The following CSMD1 variants were observed in gnomAD, a reference collection of about 807,000 sequenced individuals.
CSMD1 encodes the protein CUB and Sushi multiple domains 1.
Under a neutral mutation model 417.5 loss-of-function variants are expected in CSMD1, and 213 were observed. The ratio of observed to expected loss-of-function variants is 0.51; its 90% confidence interval spans 0.46 to 0.57. CSMD1 has a LOEUF of 0.57. CSMD1 is among the 20% of genes least tolerant of loss of function. The probability of loss-of-function intolerance (pLI) is 0.00; values close to 1 mark genes in which losing one functional copy is unlikely to be tolerated. For synonymous variants in CSMD1, 2,862 were observed against 1,736.8 expected (o/e 1.65, Z -16.11); for missense variants, 6,923 against 4,529.7 (o/e 1.53, Z -15.17).
chr8:4,731,051 G>T (rs1483987283), intron 1 of CSMD1, among the ~76,000 whole-genome samples: 3 of 152,154 alleles, frequency 2.0e-5, no homozygotes, highest in East Asian at 3.9e-4. Flanking sequence ...AGTATGGAGG[G>T]TCTGTGGGTC....
intron 3 of CSMD1, among the ~76,000 whole-genome samples, chr8:4,121,069 C>G (rs768479630): frequency 1.8e-4 from 28 of 151,762 alleles, no homozygotes; most frequent in Non-Finnish European, 1.0e-4. Flanking sequence ...CTGACTGGGT[C>G]TGTTTGTCAA....
intron 2 of CSMD1, among the ~76,000 whole-genome samples, chr8:4,620,891 T>G (rs540488712): frequency 6.6e-6 from 1 of 151,248 alleles, no homozygotes; most frequent in African/African-American, 2.4e-5. Flanking sequence ...AGAGAAAAAT[T>G]GAGTAAAGTA....
intron 4 of CSMD1, among the ~76,000 whole-genome samples, chr8:4,012,248 C>G (rs1393076507): frequency 1.3e-5 from 2 of 151,568 alleles, no homozygotes; most frequent in Non-Finnish European, 2.9e-5. Flanking sequence ...ACTCTTCAGG[C>G]TTTCTCTAAT....
At chr8:4,430,204 G>A (rs886338079) in intron 2 of CSMD1, among the ~76,000 whole-genome samples, 12 of 152,136 alleles carry the variant, frequency 7.9e-5, no homozygotes, top group African/African-American at 2.9e-4. Flanking sequence ...CTTTATCTCA[G>A]GAGTTAGGCC....
Position 4,994,457 on chromosome 8 carries a change from T to G in CSMD1, c.-41A>C. The G allele has an allele frequency of 1.3e-6, 2 of 1,559,908 alleles. No individual in the cohort carries two copies. Among genetic ancestry groups the G allele is most frequent in the Non-Finnish European group, 1.8e-6 (2 of 1,137,254 alleles). On this transcript the variant is annotated 5_prime_UTR_variant, in exon 1 of 70. Transcript: ENST00000635120. ...ACACGCACGCGACACCGATGGCTCCTCCGAGGAAGGCAGGGCTATGAGCGG... is the reference window on the plus strand; with the variant it reads ...ACACGCACGCGACACCGATGGCTCCGCCGAGGAAGGCAGGGCTATGAGCGG...
chr8:4,815,752 G>T (rs73181527), intron 1 of CSMD1, among the ~76,000 whole-genome samples: 4 of 136,102 alleles, frequency 2.9e-5, no homozygotes, highest in Non-Finnish European at 4.8e-5. Flanking sequence ...CTTTTTAAAA[G>T]GAGTTTATAT....
chr8:3,835,720 C>A (rs150765249), intron 5 of CSMD1, among the ~76,000 whole-genome samples: 140 of 144,824 alleles, frequency 9.7e-4, no homozygotes, highest in East Asian at 3.7e-3. Context: ...ATAAAATTAA[C>A]AAAAAAAAAA....
chr8:4,592,287 G>C (rs567299545), intron 2 of CSMD1, among the ~76,000 whole-genome samples: 4 of 151,598 alleles, frequency 2.6e-5, no homozygotes, highest in East Asian at 1.9e-4. Flanking sequence ...AATAGTGAAA[G>C]TGGTATATTT....
rs570210207 is a variant in CSMD1, at chr8:4,710,603, T to C, written c.86-73045A>G. On this transcript the variant is annotated intron_variant, in intron 1 of 69. Transcript: ENST00000635120. ...GCTCACGCTTGTGATCCCAGCACTT[T>C]GGGAGACTCAGATGGGTGGATCACA... Among the ~76,000 whole-genome samples the C allele has an allele frequency of 3.4e-3, 509 of 151,314 alleles. 5 individuals carry two copies. The highest frequency in any genetic ancestry group is 0.012 in the African/African-American group (483 of 41,390).
At chr8:4,623,167 G>A (rs2616982) in intron 2 of CSMD1, among the ~76,000 whole-genome samples, 123,551 of 152,058 alleles carry the variant, frequency 0.81, 50,661 homozygotes, top group Non-Finnish European at 0.86. Context: ...AAGTTGCAGT[G>A]AAGATGCGCA....
intron 1 of CSMD1, among the ~76,000 whole-genome samples, chr8:4,858,162 A>G (rs1018740390): frequency 6.7e-6 from 1 of 149,684 alleles, no homozygotes; most frequent in African/African-American, 2.5e-5. Context: ...AAAGACAAAA[A>G]CCACATGATT....
intron 3 of CSMD1, among the ~76,000 whole-genome samples, chr8:4,048,448 A>G (rs1412556946): frequency 6.6e-6 from 1 of 152,202 alleles, no homozygotes; most frequent in Non-Finnish European, 1.5e-5. Context: ...TATTTTCCCA[A>G]CAAGATTCTG....
intron 2 of CSMD1, among the ~76,000 whole-genome samples, chr8:4,516,944 A>G (rs1199585238): frequency 6.6e-6 from 1 of 152,162 alleles, no homozygotes; most frequent in East Asian, 1.9e-4. Flanking sequence ...TATTAATTTC[A>G]TGTGCTATTA....
At chr8:4,951,460 AGAAG>A (rs957403404) in intron 1 of CSMD1, among the ~76,000 whole-genome samples, 3 of 151,326 alleles carry the variant, frequency 2.0e-5, no homozygotes, top group East Asian at 1.9e-4. Context: ...AAGGAAGGAA[AGAAG>A]GAAGGAAGGA....
intron 5 of CSMD1, among the ~76,000 whole-genome samples, chr8:3,818,068 T>TGG (rs1359255973): frequency 3.8e-4 from 58 of 152,248 alleles, no homozygotes; most frequent in African/African-American, 1.3e-3. Flanking sequence ...GGAGCAGGCA[T>TGG]GGAGGTCCGG....
intron 17 of CSMD1, among the ~76,000 whole-genome samples, chr8:3,391,457 A>G (rs999369155): frequency 6.6e-6 from 1 of 152,206 alleles, no homozygotes; most frequent in Admixed American, 6.5e-5. Context: ...TGATTTAAAG[A>G]TCAACATACA....
chr8:3,164,572 A>G (rs898038945), intron 37 of CSMD1, among the ~76,000 whole-genome samples: 7 of 152,312 alleles, frequency 4.6e-5, no homozygotes, highest in Non-Finnish European at 7.4e-5. Context: ...TAGCAAGGTC[A>G]TCTACCATAC....
chr8:3,561,360 T>C (rs1013668753), intron 10 of CSMD1, among the ~76,000 whole-genome samples: 1 of 152,164 alleles, frequency 6.6e-6, no homozygotes, highest in African/African-American at 2.4e-5. Context: ...CTATTCACAA[T>C]AGCAAAGTCA....
rs146403818 is a variant in CSMD1 at position 3,993,590 on chromosome 8, C to G, written c.818+4313G>C. Among the ~76,000 whole-genome samples the G allele has an allele frequency of 1.0e-3, 156 of 152,274 alleles. 2 individuals carry two copies. The highest frequency in any genetic ancestry group is 3.5e-3 in the African/African-American group (145 of 41,558). On this transcript the variant is annotated intron_variant, in intron 5 of 69. Coordinates refer to ENST00000635120, the MANE Select transcript of CSMD1 (RefSeq NM_033225.6). Reference sequence around the variant, plus strand: ...AAACTAAGGTTACAAAACTGTCACCCCAGAGTTTCCCTTGTAAACTTCCAT... The same window carrying G: ...AAACTAAGGTTACAAAACTGTCACCGCAGAGTTTCCCTTGTAAACTTCCAT...
Sources: allele counts gnomAD v4.1 joint callset (sites outside exome capture counted in the v4.1 genomes callset), GRCh38; gene constraint gnomAD v4.1.1; transcripts MANE v1.5; gene names NCBI Gene and HGNC (gene_info 2026-07-23, HGNC 2026-07-21).